Variants in SEMA5A observed in about 807,000 individuals in gnomAD.
SEMA5A encodes the protein semaphorin-5A.
Under a neutral mutation model 135.5 loss-of-function variants are expected in SEMA5A, and 55 were observed. That is an observed-to-expected ratio of 0.41 (90% CI 0.33 to 0.51). The LOEUF (loss-of-function observed/expected upper bound fraction) is 0.51. SEMA5A is among the 20% of genes least tolerant of loss of function. The probability of loss-of-function intolerance (pLI) is 0.37; values close to 1 mark genes in which losing one functional copy is unlikely to be tolerated. For synonymous variants in SEMA5A, 580 were observed against 546.5 expected (o/e 1.06, Z -0.85); for missense variants, 1,290 against 1,419.9 (o/e 0.91, Z 1.47).
chr5:9,523,755 G>A (rs1016587231), intron 1 of SEMA5A, among the ~76,000 whole-genome samples: 2 of 152,180 alleles, frequency 1.3e-5, no homozygotes, highest in Non-Finnish European at 2.9e-5. Flanking sequence ...AAGTTGGGAT[G>A]ATCCTCAGGA....
chr5:9,306,298 T>C (rs1751866550), intron 5 of SEMA5A, among the ~76,000 whole-genome samples: 1 of 152,024 alleles, frequency 6.6e-6, no homozygotes, highest in Non-Finnish European at 1.5e-5. Context: ...CAAGGTGTCA[T>C]GTGTGTCTAA....
intron 16 of SEMA5A, among the ~76,000 whole-genome samples, chr5:9,093,207 TC>T (rs1243890511): frequency 6.6e-6 from 1 of 152,200 alleles, no homozygotes; most frequent in East Asian, 1.9e-4. Context: ...CATACATATA[TC>T]TGAAACCATA....
chr5:9,320,867 A>G (rs1226098395), intron 4 of SEMA5A, among the ~76,000 whole-genome samples: 1 of 152,174 alleles, frequency 6.6e-6, no homozygotes, highest in Admixed American at 6.5e-5. Context: ...CCTTGAAACC[A>G]GCACACCTCC....
intron 12 of SEMA5A, among the ~76,000 whole-genome samples, chr5:9,146,104 G>A (rs965234319): frequency 6.6e-6 from 1 of 152,106 alleles, no homozygotes; most frequent in Non-Finnish European, 1.5e-5. Flanking sequence ...GCAGTTTCAC[G>A]TGTTGATGGG....
chr5:9,199,285 C>T (rs1745577541), intron 9 of SEMA5A, among the ~76,000 whole-genome samples: 1 of 152,134 alleles, frequency 6.6e-6, no homozygotes, highest in South Asian at 2.1e-4. Context: ...AACACTTCTT[C>T]CTGTCCCCTG....
At chr5:9,483,137 T>A (rs918273115) in intron 1 of SEMA5A, among the ~76,000 whole-genome samples, 2 of 152,184 alleles carry the variant, frequency 1.3e-5, no homozygotes, top group Non-Finnish European at 2.9e-5. Flanking sequence ...GATTTTCACC[T>A]TCTCATTCCC....
chr5:9,173,587 A>G lies in SEMA5A; in HGVS notation c.1273+16680T>C, dbSNP rs150331869. On this transcript the variant is annotated intron_variant, in intron 11 of 22. Transcript: ENST00000382496. ...TTGGGATCTCTTCTATTGGGCACTA[A>G]TCCCATTCATGAGGAATCCATCCTC... Among the ~76,000 whole-genome samples, 538 of 152,214 alleles carry G rather than the reference A, an allele frequency of 3.5e-3. 1 individual carries two copies. The highest frequency in any genetic ancestry group is 0.012 in the African/African-American group (493 of 41,538).
At chr5:9,515,046 A>G (rs898662269) in intron 1 of SEMA5A, among the ~76,000 whole-genome samples, 2 of 152,230 alleles carry the variant, frequency 1.3e-5, no homozygotes, top group Non-Finnish European at 2.9e-5. Flanking sequence ...ACAGCATTTA[A>G]TATACTAAAC....
At chr5:9,147,195 A>C (rs961213497) in intron 12 of SEMA5A, among the ~76,000 whole-genome samples, 10 of 152,186 alleles carry the variant, frequency 6.6e-5, no homozygotes, top group African/African-American at 2.4e-4. Context: ...TGAGGTGTTA[A>C]TTTCTTTAAC....
intron 16 of SEMA5A, among the ~76,000 whole-genome samples, chr5:9,096,759 T>C (rs917115139): frequency 6.6e-6 from 1 of 152,018 alleles, no homozygotes; most frequent in African/African-American, 2.4e-5. Flanking sequence ...AAAAAATATA[T>C]ATGACCCAAT....
At chr5:9,421,339 T>C (rs1198442243) in intron 2 of SEMA5A, among the ~76,000 whole-genome samples, 1 of 152,220 alleles carries the variant, frequency 6.6e-6, no homozygotes, top group African/African-American at 2.4e-5. Context: ...TCTTACAACA[T>C]AACTGACATA....
chr5:9,158,452 AG>A (rs1743073599), intron 11 of SEMA5A, among the ~76,000 whole-genome samples: 1 of 152,050 alleles, frequency 6.6e-6, no homozygotes, highest in Non-Finnish European at 1.5e-5. Flanking sequence ...AAAAAGTGCC[AG>A]AAATATGTAA....
intron 11 of SEMA5A, among the ~76,000 whole-genome samples, chr5:9,173,374 C>T (rs1009902842): frequency 4.8e-5 from 7 of 146,058 alleles, no homozygotes; most frequent in Admixed American, 1.4e-4. Context: ...TTAGTCCATT[C>T]AGGGTGCTAT....
At chr5:9,319,007 G>A (rs1049059214) in intron 4 of SEMA5A, among the ~76,000 whole-genome samples, 4 of 151,920 alleles carry the variant, frequency 2.6e-5, no homozygotes, top group African/African-American at 9.7e-5. Context: ...GAGGTTGCCA[G>A]GCTCCTGGGA....
intron 1 of SEMA5A, among the ~76,000 whole-genome samples, chr5:9,492,236 A>G (rs1331802340): frequency 6.6e-6 from 1 of 152,164 alleles, no homozygotes; most frequent in Non-Finnish European, 1.5e-5. Context: ...TACTATAATC[A>G]CTTGTTGATG....
intron 3 of SEMA5A, among the ~76,000 whole-genome samples, chr5:9,368,650 T>C (rs1579425086): frequency 6.6e-6 from 1 of 152,220 alleles, no homozygotes; most frequent in African/African-American, 2.4e-5. Context: ...AGATAATGAA[T>C]ACATATTCTT....
At chr5:9,471,061 G>A (rs1195238455) in intron 1 of SEMA5A, among the ~76,000 whole-genome samples, 2 of 152,150 alleles carry the variant, frequency 1.3e-5, no homozygotes, top group African/African-American at 2.4e-5. Flanking sequence ...TGTTGAAGAC[G>A]AAACCCTCAT....
intron 1 of SEMA5A, among the ~76,000 whole-genome samples, chr5:9,483,818 C>T (rs1047981565): frequency 5.9e-5 from 9 of 152,078 alleles, no homozygotes; most frequent in African/African-American, 2.2e-4. Flanking sequence ...AATAAATACG[C>T]AAAGCCTTGG....
intron 5 of SEMA5A, among the ~76,000 whole-genome samples, chr5:9,280,160 G>T (rs1325541392): frequency 6.6e-6 from 1 of 152,098 alleles, no homozygotes; most frequent in Non-Finnish European, 1.5e-5. Context: ...TAATACCAGG[G>T]CTTTGTACAC....
Sources: allele counts gnomAD v4.1 joint callset (sites outside exome capture counted in the v4.1 genomes callset), GRCh38; gene constraint gnomAD v4.1.1; transcripts MANE v1.5; gene names NCBI Gene and HGNC (gene_info 2026-07-23, HGNC 2026-07-21).